The following CTNNA2 variants were observed in gnomAD, a reference collection of about 807,000 sequenced individuals.
The protein encoded by CTNNA2 is catenin alpha-2.
A neutral mutation model predicts 101.0 loss-of-function variants in CTNNA2; 42 were observed. The observed-to-expected ratio is 0.42, with a 90% CI of 0.32 to 0.54. The LOEUF (loss-of-function observed/expected upper bound fraction) is 0.54, where lower values mean the gene tolerates loss of function less well. Ranked by LOEUF, CTNNA2 falls within the 20% of genes least tolerant of loss-of-function variation. The pLI, the probability that CTNNA2 is intolerant of heterozygous loss-of-function variation, is 0.14. For missense variants in CTNNA2, 871 were observed against 1,223.1 expected, an observed-to-expected ratio of 0.71 and a Z score of 4.29; for synonymous variants, 450 against 456.4, an observed-to-expected ratio of 0.99 and a Z score of 0.18.
intron 9 of CTNNA2, among the ~76,000 whole-genome samples, chr2:80,443,263 G>A (rs1213889514): frequency 6.6e-6 from 1 of 152,256 alleles, no homozygotes; most frequent in Non-Finnish European, 1.5e-5. Context: ...ACTTAGGTAG[G>A]CCAGCTTTAG....
intron 2 of CTNNA2, among the ~76,000 whole-genome samples, chr2:79,250,882 T>C (rs1013858399): frequency 1.1e-4 from 17 of 152,356 alleles, no homozygotes; most frequent in African/African-American, 4.1e-4. Flanking sequence ...TTTGAATTTT[T>C]GGCTTCAGGT....
At chr2:79,452,151 A>G (rs778887665) in intron 4 of CTNNA2, among the ~76,000 whole-genome samples, 38 of 152,170 alleles carry the variant, frequency 2.5e-4, no homozygotes, top group Non-Finnish European at 4.1e-4. Flanking sequence ...AAAGATATTA[A>G]TAATATGTCC....
At chr2:79,317,849 A>G (rs13382486) in intron 3 of CTNNA2, among the ~76,000 whole-genome samples, 21,846 of 151,998 alleles carry the variant, frequency 0.14, 1,653 homozygotes, top group East Asian at 0.17. Context: ...AATGAATGAA[A>G]AAACATTGGA....
chr2:80,588,964 A>G (rs1328794670), intron 14 of CTNNA2, among the ~76,000 whole-genome samples: 3 of 152,296 alleles, frequency 2.0e-5, no homozygotes, highest in African/African-American at 7.2e-5. Context: ...TTCATCTGGT[A>G]AAAGTTTCCT....
intron 11 of CTNNA2, among the ~76,000 whole-genome samples, chr2:80,547,934 C>G (rs989352957): frequency 6.6e-6 from 1 of 151,884 alleles, no homozygotes; most frequent in African/African-American, 2.4e-5. Flanking sequence ...TCAGGTGATC[C>G]GCCCGCCTTG....
chr2:79,459,732 T>C (rs532036177), intron 4 of CTNNA2, among the ~76,000 whole-genome samples: 2 of 152,290 alleles, frequency 1.3e-5, no homozygotes, highest in Non-Finnish European at 2.9e-5. Context: ...TTAATATCTT[T>C]AGCATTGGTC....
chr2:80,099,189 A>T (rs1213475537), intron 7 of CTNNA2, among the ~76,000 whole-genome samples: 3 of 152,022 alleles, frequency 2.0e-5, no homozygotes. Flanking sequence ...GTTAAAAAAC[A>T]CAGATTCATT....
Position 79,974,291 on chromosome 2 carries a change from G to A in CTNNA2, c.1056+64494G>A, listed in dbSNP as rs58136341. 6.5e-3 allele frequency among the ~76,000 whole-genome samples: 987 copies of A among 152,206 alleles called. 10 individuals are homozygous for A. Among genetic ancestry groups the A allele is most frequent in the African/African-American group, 0.02 (850 of 41,518 alleles). On this transcript the variant is annotated intron_variant, in intron 7 of 18. Coordinates refer to ENST00000402739, the MANE Select transcript of CTNNA2 (RefSeq NM_001282597.3). ...GAGCTAAAGATAAAGCCCAATGCCCGTCGTGAAGGAGACAAATAAATGCTA... is the reference window on the plus strand; with the variant it reads ...GAGCTAAAGATAAAGCCCAATGCCCATCGTGAAGGAGACAAATAAATGCTA...
intron 2 of CTNNA2, among the ~76,000 whole-genome samples, chr2:79,298,498 T>C (rs560947854): frequency 4.1e-4 from 62 of 152,254 alleles, no homozygotes; most frequent in African/African-American, 1.4e-3. Context: ...AAAATCTGGG[T>C]TATTTGATGT....
intron 7 of CTNNA2, among the ~76,000 whole-genome samples, chr2:80,009,874 A>C (rs1345708524): frequency 6.6e-6 from 1 of 152,004 alleles, no homozygotes; most frequent in African/African-American, 2.4e-5. Context: ...TATAAAAGAG[A>C]TTATTTATAG....
intron 1 of CTNNA2, among the ~76,000 whole-genome samples, chr2:79,582,385 A>G (rs1676202825): frequency 6.6e-6 from 1 of 152,164 alleles, no homozygotes; most frequent in African/African-American, 2.4e-5. Flanking sequence ...CCATATACAT[A>G]TCATATAGAT....
At position 80,041,565 on chromosome 2, in the gene CTNNA2, A is replaced by T. The variant is rs531652490; in HGVS notation, c.1056+131768A>T. 2.0e-5 allele frequency among the ~76,000 whole-genome samples: 3 copies of T among 152,316 alleles called. No homozygotes were observed. In the East Asian group the frequency reaches 5.8e-4, roughly 29 times the overall value. On this transcript the variant is annotated intron_variant, in intron 7 of 18. Transcript: ENST00000402739. ...TGAAATGACTTTTCCCCCTGACATG[A>T]CTAATGCTATTGCTGTTAATTAAGT...
intron 7 of CTNNA2, among the ~76,000 whole-genome samples, chr2:80,097,035 T>G (rs372131568): frequency 2.6e-5 from 4 of 152,318 alleles, no homozygotes; most frequent in South Asian, 4.1e-4. Context: ...ATGTGTGAAT[T>G]TGATCCTGTC....
chr2:80,480,504 A>G (rs1686062398), intron 9 of CTNNA2, among the ~76,000 whole-genome samples: 1 of 152,118 alleles, frequency 6.6e-6, no homozygotes, highest in South Asian at 2.1e-4. Context: ...AAGTTTGCAG[A>G]CTTGCCCCAG....
intron 1 of CTNNA2, among the ~76,000 whole-genome samples, chr2:79,521,495 A>C (rs1251589754): frequency 6.6e-6 from 1 of 152,042 alleles, no homozygotes; most frequent in East Asian, 1.9e-4. Context: ...TTCCCAGTCT[A>C]GTCAATGGCA....
At chr2:80,621,077 T>A (rs1380379067) in intron 18 of CTNNA2, among the ~76,000 whole-genome samples, 1 of 151,886 alleles carries the variant, frequency 6.6e-6, no homozygotes, top group Admixed American at 6.6e-5. Flanking sequence ...TTGCATTAAT[T>A]TGGGGTCTGA....
chr2:79,472,530 C>T (rs1385815394), intron 4 of CTNNA2, among the ~76,000 whole-genome samples: 1 of 152,180 alleles, frequency 6.6e-6, no homozygotes, highest in Admixed American at 6.5e-5. Context: ...TTCTATAATC[C>T]TACCACACAG....
rs1436691288 is a variant in CTNNA2, at chr2:79,586,154, C to T, written c.-5-65398C>T. On this transcript the variant is annotated intron_variant, in intron 1 of 18. Transcript: ENST00000402739. ...TCCTCCTTTCTCTCTGCTGTCTGCA[C>T]CGGGTGCTGAACACTCGTAGGCCTC... 5.9e-5 allele frequency among the ~76,000 whole-genome samples: 9 copies of T among 152,156 alleles called. No individual in the cohort carries two copies. In the East Asian group the frequency reaches 9.6e-4, roughly 16 times the overall value.
At chr2:80,322,591 G>T (rs1030848893) in intron 7 of CTNNA2, among the ~76,000 whole-genome samples, 1 of 151,584 alleles carries the variant, frequency 6.6e-6, no homozygotes, top group African/African-American at 2.4e-5. Flanking sequence ...GGGGCCCCAA[G>T]CGCCAGCCTG....
Sources: allele counts gnomAD v4.1 joint callset (sites outside exome capture counted in the v4.1 genomes callset), GRCh38; gene constraint gnomAD v4.1.1; transcripts MANE v1.5; gene names NCBI Gene and HGNC (gene_info 2026-07-23, HGNC 2026-07-21).